The following NOL4 variants were observed in gnomAD, a reference collection of about 807,000 sequenced individuals.
NOL4 encodes cancer/testis antigen 125.
A neutral mutation model predicts 75.9 loss-of-function variants in NOL4; 17 were observed. That is an observed-to-expected ratio of 0.22 (90% CI 0.15 to 0.34). The LOEUF (loss-of-function observed/expected upper bound fraction) is 0.34, where lower values mean the gene tolerates loss of function less well. Ranked by LOEUF, NOL4 falls within the 10% of genes least tolerant of loss-of-function variation. The probability of loss-of-function intolerance (pLI) is 1.00; values close to 1 mark genes in which losing one functional copy is unlikely to be tolerated. For missense variants in NOL4, 614 were observed against 793.5 expected (o/e 0.77, Z 2.72); for synonymous variants, 292 against 289.9 (o/e 1.01, Z -0.07).
intron 6 of NOL4, among the ~76,000 whole-genome samples, chr18:33,992,211 T>C (rs2072971920): frequency 6.6e-6 from 1 of 152,050 alleles, no homozygotes; most frequent in Admixed American, 6.6e-5. Context: ...GTTTCAACCC[T>C]AAATCTATTT....
chr18:34,094,946 G>A (rs2078702678), intron 4 of NOL4, among the ~76,000 whole-genome samples: 1 of 152,086 alleles, frequency 6.6e-6, no homozygotes, highest in Non-Finnish European at 1.5e-5. Context: ...AATTACCCTG[G>A]TTTCATAAAT....
At chr18:34,025,993 G>A (rs1321954160) in intron 5 of NOL4, among the ~76,000 whole-genome samples, 3 of 152,034 alleles carry the variant, frequency 2.0e-5, no homozygotes, top group African/African-American at 7.2e-5. Flanking sequence ...ATTTCTTATT[G>A]CCAATATTCT....
At chr18:34,096,962 T>A (rs539256795) in intron 4 of NOL4, among the ~76,000 whole-genome samples, 10 of 152,168 alleles carry the variant, frequency 6.6e-5, no homozygotes, top group African/African-American at 9.7e-5. Flanking sequence ...ATAAAGGGTC[T>A]CTACCATGTA....
chr18:34,080,425 G>C (rs2077953163), intron 5 of NOL4, among the ~76,000 whole-genome samples: 1 of 152,086 alleles, frequency 6.6e-6, no homozygotes, highest in Admixed American at 6.5e-5. Flanking sequence ...ATAACATTCT[G>C]TTGTAAATGA....
chr18:33,997,046 G>A (rs145851984), intron 6 of NOL4, among the ~76,000 whole-genome samples: 6 of 151,812 alleles, frequency 4.0e-5, no homozygotes, highest in Non-Finnish European at 8.9e-5. Flanking sequence ...TTCCAATTCT[G>A]TATGTTTTCT....
chr18:33,959,605 CTATT>C (rs1362608533), intron 6 of NOL4, among the ~76,000 whole-genome samples: 3 of 152,054 alleles, frequency 2.0e-5, no homozygotes, highest in Admixed American at 6.6e-5. Flanking sequence ...TGAGTATTCT[CTATT>C]TATTTCTGTT....
At chr18:33,906,814 C>T (rs1433025733) in intron 9 of NOL4, among the ~76,000 whole-genome samples, 1 of 152,152 alleles carries the variant, frequency 6.6e-6, no homozygotes, top group African/African-American at 2.4e-5. Context: ...TCCTTTTCCA[C>T]ACCCTTAGTG....
chr18:34,187,892 C>T (rs756994292), intron 1 of NOL4, among the ~76,000 whole-genome samples: 70 of 152,016 alleles, frequency 4.6e-4, no homozygotes, highest in Non-Finnish European at 8.5e-4. Flanking sequence ...TTTAAAAAAC[C>T]ATGAAACTGT....
intron 1 of NOL4, among the ~76,000 whole-genome samples, chr18:34,169,120 GGAAGAAGAGCACCA>G (rs2032746355): frequency 6.6e-6 from 1 of 151,606 alleles, no homozygotes; most frequent in South Asian, 2.1e-4. Flanking sequence ...CTATAAAAAG[GGAAGAAGAGCACCA>G]GAAATAGTAA....
chr18:33,974,342 A>C (rs1233258989), intron 6 of NOL4, among the ~76,000 whole-genome samples: 1 of 152,122 alleles, frequency 6.6e-6, no homozygotes, highest in Non-Finnish European at 1.5e-5. Flanking sequence ...GGCTGGTTTG[A>C]TGTTCTATCC....
chr18:33,913,889 A>AT (rs1277989412), intron 9 of NOL4, among the ~76,000 whole-genome samples: 2 of 152,116 alleles, frequency 1.3e-5, no homozygotes, highest in East Asian at 3.9e-4. Flanking sequence ...GAGGTTTTTA[A>AT]TTAGTGCAGA....
intron 9 of NOL4, among the ~76,000 whole-genome samples, chr18:33,929,820 G>T (rs1428348003): frequency 1.3e-5 from 2 of 151,998 alleles, no homozygotes; most frequent in African/African-American, 4.8e-5. Flanking sequence ...TGTTGATACA[G>T]ATATATTAAA....
At chr18:34,151,475 T>C (rs1600732243) in intron 1 of NOL4, among the ~76,000 whole-genome samples, 1 of 151,786 alleles carries the variant, frequency 6.6e-6, no homozygotes, top group East Asian at 1.9e-4. Context: ...ACTATATGGT[T>C]CCAAATATCT....
At chr18:34,035,184 G>A (rs992265599) in intron 5 of NOL4, among the ~76,000 whole-genome samples, 1 of 152,098 alleles carries the variant, frequency 6.6e-6, no homozygotes, top group Non-Finnish European at 1.5e-5. Context: ...TCAACACATA[G>A]AATATTCTCC....
chr18:34,044,592 T>C (rs2076280223), intron 5 of NOL4, among the ~76,000 whole-genome samples: 1 of 152,012 alleles, frequency 6.6e-6, no homozygotes, highest in African/African-American at 2.4e-5. Context: ...AAACAACATA[T>C]AGAGTAGTCC....
intron 4 of NOL4, among the ~76,000 whole-genome samples, chr18:34,093,939 G>A (rs1568332729): frequency 6.6e-6 from 1 of 152,064 alleles, no homozygotes; most frequent in Non-Finnish European, 1.5e-5. Flanking sequence ...CTACTTGGGA[G>A]GCTGAGGCAG....
At chr18:33,950,577 T>C (rs1379664454) in intron 8 of NOL4, among the ~76,000 whole-genome samples, 1 of 152,128 alleles carries the variant, frequency 6.6e-6, no homozygotes, top group African/African-American at 2.4e-5. Context: ...GATACAGAGA[T>C]GAACAAGTTA....
intron 1 of NOL4, among the ~76,000 whole-genome samples, chr18:34,206,327 G>C (rs1179067590): frequency 6.6e-6 from 1 of 152,078 alleles, no homozygotes; most frequent in Non-Finnish European, 1.5e-5. Flanking sequence ...TATAGAATAA[G>C]AGTAATCTAC....
chr18:33,968,347 G>C (rs145270232), intron 6 of NOL4, among the ~76,000 whole-genome samples: 248 of 152,120 alleles, frequency 1.6e-3, no homozygotes, highest in African/African-American at 5.6e-3. Flanking sequence ...TTCATCACAG[G>C]ACCATTCACA....
Sources: allele counts gnomAD v4.1 joint callset (sites outside exome capture counted in the v4.1 genomes callset), GRCh38; gene constraint gnomAD v4.1.1; transcripts MANE v1.5; gene names NCBI Gene and HGNC (gene_info 2026-07-23, HGNC 2026-07-21).